The following FRMD4B variants were observed in gnomAD, a reference collection of about 807,000 sequenced individuals.
The protein encoded by FRMD4B is FERM domain-containing protein 4B.
FRMD4B carries 74 observed loss-of-function variants against 141.5 expected under a neutral mutation model. That is an observed-to-expected ratio of 0.52 (90% CI 0.43 to 0.63). The LOEUF is 0.63. Ranked by LOEUF, FRMD4B falls within the 30% of genes least tolerant of loss-of-function variation. FRMD4B has a pLI of 0.00. For missense variants in FRMD4B, 1,366 were observed against 1,253.4 expected (o/e 1.09, Z -1.36); for synonymous variants, 506 against 467.9 (o/e 1.08, Z -1.05).
At chr3:69,288,477 C>T (rs917652290) in intron 4 of FRMD4B, among the ~76,000 whole-genome samples, 14 of 152,280 alleles carry the variant, frequency 9.2e-5, no homozygotes, top group African/African-American at 3.4e-4. Context: ...CACTGCCCCA[C>T]TCCCTTTCTA....
intron 2 of FRMD4B, among the ~76,000 whole-genome samples, chr3:69,416,552 A>G (rs62251447): frequency 0.27 from 41,605 of 151,994 alleles, 6,150 homozygotes; most frequent in East Asian, 0.44. Flanking sequence ...AAATTATTAT[A>G]CTTTAAGTTC....
chr3:69,304,953 G>C (rs1046676541), intron 3 of FRMD4B, among the ~76,000 whole-genome samples: 1 of 152,096 alleles, frequency 6.6e-6, no homozygotes, highest in South Asian at 2.1e-4. Context: ...GGAAAAATGA[G>C]CATAAATAAT....
Position 69,171,650 on chromosome 3 carries a change from T to C in FRMD4B, c.*211A>G, listed in dbSNP as rs2092587592. The C allele has an allele frequency of 3.9e-6, 2 of 516,594 alleles. No homozygotes were observed. The highest frequency in any genetic ancestry group is 3.3e-5 in the East Asian group (1 of 30,250). The allele number at this position is 516,594 out of a possible 1,614,324, so 32.0% of individuals were successfully genotyped here. A position where few individuals can be genotyped will look rare whatever the true frequency, so the allele number is the denominator to read the frequency against. On this transcript the variant is annotated 3_prime_UTR_variant, in exon 23 of 23. Transcript: ENST00000398540. The stretch of plus-strand genomic sequence containing the variant: ...TGGGCAGACCCTACAGTTACGTTAG[T>C]GCCTAGAGTTTGAAAGGCCAAATCC...
chr3:69,235,336 T>C (rs571405158), intron 7 of FRMD4B, among the ~76,000 whole-genome samples: 10 of 151,770 alleles, frequency 6.6e-5, no homozygotes, highest in Non-Finnish European at 1.5e-4. Flanking sequence ...TGACAAAACA[T>C]GAGTGCTGTC....
At chr3:69,334,660 T>C (rs9820308) in intron 1 of FRMD4B, among the ~76,000 whole-genome samples, 4 of 151,932 alleles carry the variant, frequency 2.6e-5, no homozygotes, top group African/African-American at 9.7e-5. Context: ...CAATGACCCC[T>C]GGGTTTCAGT....
At chr3:69,235,058 G>A (rs1274004610) in intron 7 of FRMD4B, among the ~76,000 whole-genome samples, 1 of 151,316 alleles carries the variant, frequency 6.6e-6, no homozygotes, top group Non-Finnish European at 1.5e-5. Context: ...GCTGAGGCAG[G>A]AGAATTGCTT....
chr3:69,376,501 C>T (rs1703974257), intron 1 of FRMD4B, among the ~76,000 whole-genome samples: 1 of 151,490 alleles, frequency 6.6e-6, no homozygotes, highest in Admixed American at 6.6e-5. Context: ...CATAAAAGTA[C>T]CAGTTAAAGG....
intron 1 of FRMD4B, among the ~76,000 whole-genome samples, chr3:69,517,672 A>G (rs1363166355): frequency 1.3e-5 from 2 of 152,034 alleles, no homozygotes; most frequent in Non-Finnish European, 2.9e-5. Context: ...CCTGACTCCA[A>G]TCTTCTGCTT....
chr3:69,240,462 G>C (rs1209107834), intron 7 of FRMD4B, among the ~76,000 whole-genome samples: 1 of 111,866 alleles, frequency 8.9e-6, no homozygotes, highest in African/African-American at 3.5e-5. Context: ...CAGCCTGGAC[G>C]ACAGAGCAAG....
chr3:69,205,107 T>G, intron 11 of FRMD4B, among the ~76,000 whole-genome samples: 1 of 148,538 alleles, frequency 6.7e-6, no homozygotes, highest in Non-Finnish European at 1.5e-5. Flanking sequence ...TTCTTATTTC[T>G]TCCTCAAATA....
intron 1 of FRMD4B, chr3:69,535,631 C>T (rs1701072744): frequency 5.0e-6 from 1 of 198,786 alleles, no homozygotes; most frequent in African/African-American, 2.4e-5. Context: ...AGGGCAGTGG[C>T]TCGGTCTCTC....
At chr3:69,340,468 G>A (rs1013072317) in intron 1 of FRMD4B, among the ~76,000 whole-genome samples, 1 of 152,156 alleles carries the variant, frequency 6.6e-6, no homozygotes, top group Non-Finnish European at 1.5e-5. Flanking sequence ...CTCCATTGAT[G>A]TTTTTGCGAA....
At chr3:69,206,849 A>C (rs2093028537) in intron 11 of FRMD4B, among the ~76,000 whole-genome samples, 1 of 31,090 alleles carries the variant, frequency 3.2e-5, no homozygotes, top group African/African-American at 5.0e-5. Flanking sequence ...ATTGGGCTTA[A>C]TACATTTTTT....
At chr3:69,260,369 G>A (rs968666917) in intron 5 of FRMD4B, among the ~76,000 whole-genome samples, 2 of 152,232 alleles carry the variant, frequency 1.3e-5, no homozygotes, top group Non-Finnish European at 2.9e-5. Context: ...TGCACCCGGA[G>A]CGGCTGGTCG....
intron 1 of FRMD4B, among the ~76,000 whole-genome samples, 168 bp from the exon 2 acceptor site, chr3:69,313,685 G>A (rs1471220863): frequency 2.0e-5 from 3 of 152,118 alleles, no homozygotes; most frequent in Non-Finnish European, 4.4e-5. Flanking sequence ...GGGAGTAACT[G>A]GATTTAAAAG....
chr3:69,414,243 A>T (rs1369244683), intron 2 of FRMD4B, among the ~76,000 whole-genome samples: 1 of 152,150 alleles, frequency 6.6e-6, no homozygotes, highest in Non-Finnish European at 1.5e-5. Context: ...GACCTCAAAC[A>T]GGAAATAATC....
At chr3:69,407,319 A>G (rs1476941059) in intron 2 of FRMD4B, among the ~76,000 whole-genome samples, 1 of 152,186 alleles carries the variant, frequency 6.6e-6, no homozygotes, top group Admixed American at 6.5e-5. Context: ...GCCACTTAGT[A>G]AAGGCGAGCG....
intron 2 of FRMD4B, among the ~76,000 whole-genome samples, chr3:69,423,723 G>T (rs1213468662): frequency 6.6e-6 from 1 of 152,124 alleles, no homozygotes; most frequent in Non-Finnish European, 1.5e-5. Context: ...GCCCCAGAGA[G>T]CTGCCTTACC....
intron 19 of FRMD4B, 109 bp downstream of exon 19, chr3:69,187,661 T>C: frequency 9.6e-7 from 1 of 1,037,196 alleles, no homozygotes; most frequent in Non-Finnish European, 1.4e-6. Context: ...TAACATCTTT[T>C]GGAAGGATAA....
Sources: gnomAD v4.1 joint callset for allele counts (sites outside exome capture counted in the v4.1 genomes callset) on GRCh38, gnomAD v4.1.1 for gene constraint, MANE v1.5 for transcripts, NCBI Gene and HGNC (gene_info 2026-07-23, HGNC 2026-07-21) for gene names.